Variants in CHAF1B observed in about 807,000 individuals in gnomAD.
CHAF1B encodes the protein CAF-1 subunit B.
CHAF1B carries 10 observed loss-of-function variants against 60.7 expected under a neutral mutation model. The observed-to-expected ratio is 0.16, with a 90% CI of 0.10 to 0.28. The LOEUF (loss-of-function observed/expected upper bound fraction) is 0.28, where lower values mean the gene tolerates loss of function less well. Ranked by LOEUF, CHAF1B falls within the 10% of genes least tolerant of loss-of-function variation. The pLI, the probability that CHAF1B is intolerant of heterozygous loss-of-function variation, is 1.00. For synonymous variants in CHAF1B, 261 were observed against 266.1 expected (o/e 0.98, Z 0.19); for missense variants, 558 against 708.4 (o/e 0.79, Z 2.41).
At chr21:36,411,643 C>T in intron 11 of CHAF1B, 39 bp downstream of exon 11, 2 of 1,609,722 alleles carry the variant, frequency 1.2e-6, no homozygotes, top group Non-Finnish European at 8.5e-7. Flanking sequence ...GTGAAGGAGA[C>T]CGTGGCTGTA....
At chr21:36,398,923 A>G (rs796369838) in intron 6 of CHAF1B, among the ~76,000 whole-genome samples, 3 of 152,154 alleles carry the variant, frequency 2.0e-5, no homozygotes, top group African/African-American at 4.8e-5. Flanking sequence ...TTTATTTTTC[A>G]TAGAATCTTC....
chr21:36,390,749 G>T (rs1042220049), intron 3 of CHAF1B, among the ~76,000 whole-genome samples: 1 of 152,080 alleles, frequency 6.6e-6, no homozygotes, highest in Non-Finnish European at 1.5e-5. Flanking sequence ...TCCACCTCCC[G>T]GGCTCAAGTG....
intron 11 of CHAF1B, 88 bp from the exon 12 acceptor site, chr21:36,412,796 G>A (rs2086287884): frequency 1.6e-6 from 2 of 1,286,698 alleles, no homozygotes; most frequent in Non-Finnish European, 2.2e-6. Context: ...CTTCAAACAA[G>A]CTTGTGATTT....
chr21:36,401,337 A>T (rs8129667), intron 7 of CHAF1B, among the ~76,000 whole-genome samples: 5 of 142,416 alleles, frequency 3.5e-5, no homozygotes, highest in Admixed American at 3.0e-4. Flanking sequence ...TATGTTATAT[A>T]TTTATATTAT....
At chr21:36,399,441 G>C in intron 6 of CHAF1B, 80 bp from the exon 7 acceptor site, 1 of 1,201,378 alleles carries the variant, frequency 8.3e-7, no homozygotes, top group Non-Finnish European at 1.2e-6. Context: ...GGTGGTAATA[G>C]GCTGTTGGTA....
At chr21:36,387,486 G>C in intron 2 of CHAF1B, 112 bp from the exon 3 acceptor site, 1 of 1,383,412 alleles carries the variant, frequency 7.2e-7, no homozygotes, top group South Asian at 1.3e-5. Flanking sequence ...CTCCTAAACT[G>C]CTGGGATTAC....
intron 7 of CHAF1B, among the ~76,000 whole-genome samples, chr21:36,399,809 G>A (rs947324785): frequency 1.3e-5 from 2 of 152,176 alleles, no homozygotes; most frequent in Non-Finnish European, 2.9e-5. Flanking sequence ...GGAGACCAGG[G>A]TAGAGCCACT....
At position 36,397,400 on chromosome 21, in the gene CHAF1B, G is replaced by GTT; in HGVS notation, c.482-14_482-13insTT. On this transcript the variant is annotated splice_polypyrimidine_tract_variant and intron_variant, in intron 5 of 13. Transcript: ENST00000314103. ...TAATGCTGTTTTGGTGCGTGTGTGTGTGTTTTTTTTGTAGGACAAAAGATA... is the reference window on the plus strand; with the variant it reads ...TAATGCTGTTTTGGTGCGTGTGTGTGTTTGTTTTTTTTGTAGGACAAAAGATA... 2 of 1,390,436 alleles carry GTT rather than the reference G, an allele frequency of 1.4e-6. No homozygotes were observed. Among genetic ancestry groups the GTT allele is most frequent in the Non-Finnish European group, 2.0e-6 (2 of 1,002,214 alleles). 86.1% of individuals were successfully genotyped at this position (1,390,436 alleles called of 1,614,324 possible). A position where few individuals can be genotyped will look rare whatever the true frequency, so the allele number is the denominator to read the frequency against.
At chr21:36,412,505 G>A (rs1331338204) in intron 11 of CHAF1B, among the ~76,000 whole-genome samples, 3 of 152,008 alleles carry the variant, frequency 2.0e-5, no homozygotes, top group South Asian at 2.1e-4. Flanking sequence ...GATTACAGGC[G>A]CCCACCACCA....
chr21:36,387,674 C>T lies in CHAF1B; in HGVS notation c.203C>T (p.Ala68Val), dbSNP rs145043768. 6.2e-7 allele frequency: 1 copy of T among 1,614,168 alleles called. No individual in the cohort carries two copies. The highest frequency in any genetic ancestry group is 8.5e-7 in the Non-Finnish European group (1 of 1,180,034). Residue 68 changes from alanine to valine, a missense_variant, in exon 3 of 14, where the codon GCC becomes GTC. Transcript: ENST00000314103. ...FLSNLARHTK[A>V]VNVVRFSPTG... Reference sequence around the variant, plus strand: ...TCCAATCTTGCTCGTCATACCAAAGCCGTCAATGTTGTGCGTTTTTCTCCA... The same window carrying T: ...TCCAATCTTGCTCGTCATACCAAAGTCGTCAATGTTGTGCGTTTTTCTCCA...
At position 36,413,588 on chromosome 21, in the gene CHAF1B, A is replaced by G. The variant is rs535881261; in HGVS notation, c.1493+273A>G. Among the ~76,000 whole-genome samples, 9 of 151,866 alleles carry G rather than the reference A, an allele frequency of 5.9e-5. No individual in the cohort carries two copies. In the East Asian group the frequency reaches 1.7e-3, roughly 29 times the overall value. ...CAGCCTGTCATCCAGGACTGTGGCC[A>G]CTCTCTCTCCTGAGTCTGTGGCCTT... is the stretch of plus-strand genomic sequence containing the variant. On this transcript the variant is annotated intron_variant, in intron 12 of 13. Coordinates refer to ENST00000314103, the MANE Select transcript of CHAF1B (RefSeq NM_005441.3).
Position 36,417,250 on chromosome 21 carries a change from C to A in CHAF1B, c.*884C>A, listed in dbSNP as rs2086326585. On this transcript the variant is annotated 3_prime_UTR_variant, in exon 14 of 14. Transcript: ENST00000314103. ...CCATGCCATGCTAATTTCACACACA[C>A]ATGCACCCACACACACACATATATA... is the stretch of plus-strand genomic sequence containing the variant. 1 of 151,476 alleles carries A rather than the reference C, an allele frequency of 6.6e-6. No individual in the cohort carries two copies. The highest frequency in any genetic ancestry group is 1.5e-5 in the Non-Finnish European group (1 of 67,942). The allele number at this position is 151,476 out of a possible 1,614,324, so 9.4% of individuals were successfully genotyped here.
chr21:36,413,019 G>A lies in CHAF1B; in HGVS notation c.1197G>A (p.Lys399=). 6.2e-7 allele frequency: 1 copy of A among 1,614,180 alleles called. No individual in the cohort carries two copies. The highest frequency in any genetic ancestry group is 8.5e-7 in the Non-Finnish European group (1 of 1,180,032). The change falls in exon 12 of 14, where the codon AAG becomes AAA. Residue 399 remains lysine, a synonymous_variant. Transcript: ENST00000314103. ...ACATGAGAACTCCTGATACAGCAAA[G>A]AAAACCAAGAGTCAGACACATCGAG... The part of the protein sequence containing the change: ...VLNMRTPDTA[K]KTKSQTHRGS...
rs1368761214 is a variant in CHAF1B, at chr21:36,386,117, C to T, written c.-20C>T. 1.2e-6 allele frequency: 2 copies of T among 1,613,166 alleles called. No individual in the cohort carries two copies. Among genetic ancestry groups the T allele is most frequent in the East Asian group, 4.5e-5 (2 of 44,870 alleles). ...AGAACGGTGCCCGAGAAACGTTTTT[C>T]CCCTTCGAGACTCAGGAGGATGAAA... On this transcript the variant is annotated 5_prime_UTR_variant, in exon 2 of 14. Coordinates refer to ENST00000314103, the MANE Select transcript of CHAF1B (RefSeq NM_005441.3).
intron 3 of CHAF1B, among the ~76,000 whole-genome samples, chr21:36,389,796 TGTGTGC>T (rs770269326): frequency 3.6e-5 from 4 of 109,656 alleles, no homozygotes; most frequent in East Asian, 2.2e-4. Flanking sequence ...TGTGTGTGTG[TGTGTGC>T]GCGCGCACGC....
At chr21:36,402,646 A>G in intron 7 of CHAF1B, 112 bp from the exon 8 acceptor site, 4 of 768,286 alleles carry the variant, frequency 5.2e-6, no homozygotes, top group South Asian at 1.7e-5. Context: ...ATAGGCACAT[A>G]TAGCAGTTGG....
chr21:36,415,543 T>G (rs2086311583), intron 13 of CHAF1B, among the ~76,000 whole-genome samples, 154 bp downstream of exon 13: 1 of 152,136 alleles, frequency 6.6e-6, no homozygotes, highest in African/African-American at 2.4e-5. Flanking sequence ...GGCTGCCTGT[T>G]TACGCCTCAG....
intron 3 of CHAF1B, chr21:36,389,073 C>G (rs1357144051): frequency 6.6e-6 from 1 of 152,472 alleles, no homozygotes; most frequent in Non-Finnish European, 1.5e-5. Context: ...CGCGTCGGTA[C>G]CCAGCTTGGC....
At chr21:36,396,493 T>A (rs1168143050) in intron 5 of CHAF1B, among the ~76,000 whole-genome samples, 1 of 150,406 alleles carries the variant, frequency 6.6e-6, no homozygotes, top group Non-Finnish European at 1.5e-5. Context: ...AAACCCTCTC[T>A]CTACCAAAAA....
Sources: allele counts gnomAD v4.1 joint callset (sites outside exome capture counted in the v4.1 genomes callset), GRCh38; gene constraint gnomAD v4.1.1; transcripts MANE v1.5; gene names NCBI Gene and HGNC (gene_info 2026-07-23, HGNC 2026-07-21).